Variants in PPARGC1A observed in about 807,000 individuals in gnomAD.
The protein encoded by PPARGC1A is peroxisome proliferator-activated receptor gamma coactivator 1-alpha.
Under a neutral mutation model 88.7 loss-of-function variants are expected in PPARGC1A, and 25 were observed. The observed-to-expected ratio is 0.28, with a 90% CI of 0.21 to 0.39. The LOEUF is 0.39. PPARGC1A is among the 10% of genes least tolerant of loss of function. PPARGC1A has a pLI of 1.00. For missense variants in PPARGC1A, 880 were observed against 968.7 expected, an observed-to-expected ratio of 0.91 and a Z score of 1.22; for synonymous variants, 363 against 355.6, an observed-to-expected ratio of 1.02 and a Z score of -0.24.
At chr4:23,858,031 C>T (rs953324325) in intron 2 of PPARGC1A, among the ~76,000 whole-genome samples, 1 of 151,826 alleles carries the variant, frequency 6.6e-6, no homozygotes, top group Admixed American at 6.6e-5. Context: ...ACTACTATGG[C>T]TAAATACTAC....
the PPARGC1A span, among the ~76,000 whole-genome samples, chr4:24,103,427 T>A: frequency 6.6e-6 from 1 of 151,968 alleles, no homozygotes; most frequent in African/African-American, 2.4e-5. Context: ...AGCCTGAAGG[T>A]GTGTAGGATA....
chr4:24,414,329 T>A, the PPARGC1A span, among the ~76,000 whole-genome samples: 1 of 152,296 alleles, frequency 6.6e-6, no homozygotes, highest in South Asian at 2.1e-4. Flanking sequence ...GAATAGTGGG[T>A]GCCTAACCAA....
the PPARGC1A span, among the ~76,000 whole-genome samples, chr4:24,369,096 A>C: frequency 6.6e-6 from 1 of 152,266 alleles, no homozygotes; most frequent in African/African-American, 2.4e-5. Context: ...AGGCCACTGA[A>C]TTTAAAGATA....
chr4:24,059,921 G>T, the PPARGC1A span, among the ~76,000 whole-genome samples: 1 of 152,060 alleles, frequency 6.6e-6, no homozygotes, highest in Non-Finnish European at 1.5e-5. Flanking sequence ...CTCTGATTGC[G>T]CCGTCTCTGC....
chr4:23,821,747 C>T (rs1365248166), intron 7 of PPARGC1A, among the ~76,000 whole-genome samples: 2 of 151,650 alleles, frequency 1.3e-5, no homozygotes, highest in African/African-American at 2.4e-5. Context: ...GTATTGTAAC[C>T]ATCTTCATAT....
chr4:23,969,203 G>C, the PPARGC1A span, among the ~76,000 whole-genome samples: 8 of 152,300 alleles, frequency 5.3e-5, no homozygotes, highest in Non-Finnish European at 7.4e-5. Context: ...TAAAGATAGA[G>C]TCTCGATAAA....
the PPARGC1A span, among the ~76,000 whole-genome samples, chr4:24,115,231 G>A: frequency 3.4e-3 from 524 of 152,174 alleles, 6 homozygotes; most frequent in African/African-American, 0.012. Flanking sequence ...AAAACGAAAA[G>A]CACAATTAAA....
At chr4:24,106,611 A>G in the PPARGC1A span, among the ~76,000 whole-genome samples, 68 of 152,282 alleles carry the variant, frequency 4.5e-4, no homozygotes, top group African/African-American at 1.5e-3. Context: ...CCCTCCCTGT[A>G]TCTATTTCCT....
intron 2 of PPARGC1A, among the ~76,000 whole-genome samples, chr4:23,860,753 G>T (rs978030332): frequency 2.0e-5 from 3 of 152,094 alleles, no homozygotes; most frequent in Admixed American, 6.5e-5. Context: ...ATTCTAAAAA[G>T]TCAAGGAAAT....
At chr4:23,974,023 G>A in the PPARGC1A span, among the ~76,000 whole-genome samples, 1 of 151,932 alleles carries the variant, frequency 6.6e-6, no homozygotes, top group South Asian at 2.1e-4. Context: ...GAAGATTATT[G>A]GAGATCAAAG....
chr4:24,091,928 T>TACATAC, the PPARGC1A span, among the ~76,000 whole-genome samples: 36 of 147,848 alleles, frequency 2.4e-4, 1 homozygote, highest in Admixed American at 1.3e-3. Flanking sequence ...CTTGCCCCAA[T>TACATAC]ACACACACAC....
At chr4:24,234,099 A>G in the PPARGC1A span, among the ~76,000 whole-genome samples, 3 of 152,240 alleles carry the variant, frequency 2.0e-5, no homozygotes, top group East Asian at 5.8e-4. Flanking sequence ...CTGCATAATT[A>G]GCCCGTGTTG....
the PPARGC1A span, among the ~76,000 whole-genome samples, chr4:24,370,971 C>T: frequency 4.1e-4 from 62 of 151,972 alleles, no homozygotes; most frequent in African/African-American, 1.4e-3. Flanking sequence ...TGATGTTCCC[C>T]TCTGTGTGTC....
chr4:24,451,638 C>CACCATCTCGGCTTACTGCA, the PPARGC1A span, among the ~76,000 whole-genome samples: 48 of 152,282 alleles, frequency 3.2e-4, no homozygotes, highest in African/African-American at 1.2e-3. Flanking sequence ...AGTGCACTGG[C>CACCATCTCGGCTTACTGCA]ACCATCTCGG....
chr4:24,361,951 T>C, the PPARGC1A span, among the ~76,000 whole-genome samples: 1 of 152,194 alleles, frequency 6.6e-6, no homozygotes, highest in African/African-American at 2.4e-5. Context: ...GAGTTTCCCA[T>C]ATGGGAAATA....
At chr4:24,273,997 C>G in the PPARGC1A span, among the ~76,000 whole-genome samples, 1 of 151,872 alleles carries the variant, frequency 6.6e-6, no homozygotes, top group Non-Finnish European at 1.5e-5. Flanking sequence ...CCTCAACCTC[C>G]CAAAGTGCTG....
At chr4:24,404,105 TA>T in the PPARGC1A span, among the ~76,000 whole-genome samples, 1 of 150,972 alleles carries the variant, frequency 6.6e-6, no homozygotes, top group African/African-American at 2.4e-5. Context: ...CTACTAAAAA[TA>T]AAAAAAATTA....
In PPARGC1A at chr4:23,804,430, G is replaced by T. The variant is rs537972845; in HGVS notation, c.2020-2085C>A. On this transcript the variant is annotated intron_variant, in intron 10 of 12. Transcript: ENST00000264867. ...GCCAAGCCTCCAGCTTCTCTTTCTG[G>T]ACTAGTATAACAAACAATCTCCTAA... Among the ~76,000 whole-genome samples the T allele has an allele frequency of 5.3e-5, 8 of 151,972 alleles. No individual in the cohort carries two copies. In the South Asian group the frequency reaches 1.7e-3, roughly 32 times the overall value.
the PPARGC1A span, among the ~76,000 whole-genome samples, chr4:24,139,058 A>G: frequency 6.6e-6 from 1 of 152,064 alleles, no homozygotes; most frequent in African/African-American, 2.4e-5. Context: ...CTTCCTTTGA[A>G]TCAATGGTGG....
Sources: allele counts gnomAD v4.1 joint callset (sites outside exome capture counted in the v4.1 genomes callset), GRCh38; gene constraint gnomAD v4.1.1; transcripts MANE v1.5; gene names NCBI Gene and HGNC (gene_info 2026-07-23, HGNC 2026-07-21).